Variants in ADAM23 observed in about 807,000 individuals in gnomAD.
The protein encoded by ADAM23 is ADAM metallopeptidase domain 23, also known as disintegrin and metalloproteinase domain-containing protein 23.
ADAM23 carries 33 observed loss-of-function variants against 120.1 expected under a neutral mutation model. The ratio of observed to expected loss-of-function variants is 0.27; its 90% CI spans 0.21 to 0.37. The LOEUF (loss-of-function observed/expected upper bound fraction) is 0.37, where lower values mean the gene tolerates loss of function less well. Ranked by LOEUF, ADAM23 falls within the 10% of genes least tolerant of loss-of-function variation. The probability of loss-of-function intolerance (pLI) is 1.00; values close to 1 mark genes in which losing one functional copy is unlikely to be tolerated. For synonymous variants in ADAM23, 367 were observed against 375.2 expected, an observed-to-expected ratio of 0.98 and a Z score of 0.25; for missense variants, 862 against 1,058.2, an observed-to-expected ratio of 0.81 and a Z score of 2.57.
chr2:206,606,474 T>C (rs1278895896), intron 24 of ADAM23: 2 of 152,238 alleles, frequency 1.3e-5, no homozygotes, highest in Non-Finnish European at 2.9e-5. Flanking sequence ...GAAGTCTACA[T>C]AAATATTTGG....
intron 2 of ADAM23, among the ~76,000 whole-genome samples, chr2:206,451,154 G>C (rs929812042): frequency 6.6e-6 from 1 of 152,194 alleles, no homozygotes. Flanking sequence ...CCACAGAATC[G>C]GCAGAGGAGA....
chr2:206,600,150 T>A (rs745918320), intron 24 of ADAM23, among the ~76,000 whole-genome samples: 4 of 152,060 alleles, frequency 2.6e-5, no homozygotes, highest in Non-Finnish European at 4.4e-5. Context: ...TGCAGTGAGC[T>A]GAGATCGCGA....
chr2:206,524,240 C>G lies in ADAM23; in HGVS notation c.510-6645C>G, dbSNP rs564786470. Among the ~76,000 whole-genome samples, 88 of 152,310 alleles carry G rather than the reference C, an allele frequency of 5.8e-4. 1 individual carries two copies. Among genetic ancestry groups the G allele is most frequent in the African/African-American group, 1.9e-3 (80 of 41,562 alleles). On this transcript the variant is annotated intron_variant, in intron 3 of 25. Coordinates refer to ENST00000264377, the MANE Select transcript of ADAM23 (RefSeq NM_003812.4). ...TTTGAACACATATGGAAGTAACTTA[C>G]ATGTTTTACTACTGAGAATTGAATT...
chr2:206,462,186 A>G (rs1695435120), intron 2 of ADAM23, among the ~76,000 whole-genome samples: 1 of 152,190 alleles, frequency 6.6e-6, no homozygotes, highest in Non-Finnish European at 1.5e-5. Flanking sequence ...ACCAATTTGC[A>G]TACACATGCA....
chr2:206,591,795 A>T (rs985673635), intron 21 of ADAM23, among the ~76,000 whole-genome samples: 1 of 152,202 alleles, frequency 6.6e-6, no homozygotes, highest in Non-Finnish European at 1.5e-5. Flanking sequence ...TTATTGTACC[A>T]TATTTCACCA....
At chr2:206,498,235 A>G (rs1696301672) in intron 3 of ADAM23, among the ~76,000 whole-genome samples, 4 of 152,350 alleles carry the variant, frequency 2.6e-5, no homozygotes, top group East Asian at 1.9e-4. Flanking sequence ...GCATCGAGCT[A>G]CTTGACTTCA....
In ADAM23 at chr2:206,596,051, G is replaced by A; in HGVS notation, c.2248G>A (p.Val750Met). The change falls in exon 24 of 26, where the codon GTG (valine) becomes ATG (methionine). Residue 750 changes from valine (V) to methionine (M), a missense_variant and splice_region_variant. Physicochemically the swap from Val to Met is conservative, Grantham distance 21 (BLOSUM62 1). Around this residue, in one of 4 missense-constraint regions of ADAM23, gnomAD observed 617 missense variants for 813.5 expected, o/e 0.76. Transcript: ENST00000264377. ...CATATCTGTTCCTTTTTCTTCACAG[G>A]TGTGTAGTAATGAAGCCACCTGCAT... The part of the protein sequence containing the change: ...SKGKVCSGHG[V>M]CSNEATCICD... The A allele has an allele frequency of 9.3e-6, 15 of 1,611,410 alleles. No individual in the cohort carries two copies. The highest frequency in any genetic ancestry group is 1.3e-5 in the African/African-American group (1 of 74,940).
At chr2:206,617,524 T>A in intron 25 of ADAM23, 55 bp from the exon 26 acceptor site, 1 of 1,548,446 alleles carries the variant, frequency 6.5e-7, no homozygotes, top group Non-Finnish European at 8.8e-7. Flanking sequence ...ATCATCTGAT[T>A]AATATTGTGG....
At chr2:206,470,461 C>G (rs1465906846) in intron 2 of ADAM23, among the ~76,000 whole-genome samples, 1 of 152,116 alleles carries the variant, frequency 6.6e-6, no homozygotes, top group Admixed American at 6.5e-5. Flanking sequence ...AGTGGTTGAT[C>G]GTTTCCAGAG....
rs190643193 is a variant in ADAM23, at chr2:206,453,765, A to G, written c.432+8241A>G. 2.3e-3 allele frequency among the ~76,000 whole-genome samples: 353 copies of G among 152,388 alleles called. 2 individuals carry two copies. The South Asian group carries it at 0.024, about 10-fold the overall frequency. On this transcript the variant is annotated intron_variant, in intron 2 of 25. Transcript: ENST00000264377. The stretch of plus-strand genomic sequence containing the variant: ...AAGTGACATGAGAGGTTCATTCTCC[A>G]TCACAGGGCACCCCAGCCTGGGACA...
chr2:206,457,529 A>G (rs1040617253), intron 2 of ADAM23, among the ~76,000 whole-genome samples: 1 of 152,178 alleles, frequency 6.6e-6, no homozygotes, highest in Non-Finnish European at 1.5e-5. Context: ...GCATGTGTAC[A>G]CACCTCACTT....
intron 6 of ADAM23, 49 bp from the exon 7 acceptor site, chr2:206,547,380 G>A: frequency 6.7e-7 from 1 of 1,488,320 alleles, no homozygotes; most frequent in Non-Finnish European, 9.3e-7. Context: ...TTTCATAGAG[G>A]CTTGTTCACA....
Position 206,596,118 on chromosome 2 carries a change from A to G in ADAM23, c.2315A>G (p.Asp772Gly). The change falls in exon 24 of 26, where the codon GAT (aspartate) becomes GGT (glycine). Residue 772 changes from aspartate (D) to glycine (G), a missense_variant. Physicochemically the swap from Asp to Gly is moderately conservative, Grantham distance 94. Transcript: ENST00000264377. ...GCAGGGACAGATTGCAGTATCCGGG[A>G]TCCAGTTAGGAACCTTCACCCCCCC... ...TWAGTDCSIR[D>G]PVRNLHPPKD... 6.2e-7 allele frequency: 1 copy of G among 1,614,096 alleles called. No individual in the cohort carries two copies. Among genetic ancestry groups the G allele is most frequent in the Non-Finnish European group, 8.5e-7 (1 of 1,180,002 alleles).
At chr2:206,597,565 C>T (rs1487169973) in intron 24 of ADAM23, among the ~76,000 whole-genome samples, 1 of 152,154 alleles carries the variant, frequency 6.6e-6, no homozygotes, top group Non-Finnish European at 1.5e-5. Flanking sequence ...TTTCAAAGAT[C>T]TAGAAAACCC....
intron 3 of ADAM23, among the ~76,000 whole-genome samples, chr2:206,512,876 C>T (rs576885574): frequency 2.6e-5 from 4 of 152,276 alleles, no homozygotes; most frequent in South Asian, 2.1e-4. Flanking sequence ...TGGTAATTCT[C>T]GCAGTATTTC....
At chr2:206,459,925 ACTATCTCTCAC>A (rs1189205052) in intron 2 of ADAM23, among the ~76,000 whole-genome samples, 1 of 152,182 alleles carries the variant, frequency 6.6e-6, no homozygotes, top group African/African-American at 2.4e-5. Flanking sequence ...GGTCTAACCC[ACTATCTCTCAC>A]ATGCACCATT....
At chr2:206,465,263 C>T (rs1574481640) in intron 2 of ADAM23, among the ~76,000 whole-genome samples, 1 of 152,316 alleles carries the variant, frequency 6.6e-6, no homozygotes, top group Admixed American at 6.5e-5. Flanking sequence ...TGGCCTCAAA[C>T]TCCTTGCCTT....
Position 206,559,982 on chromosome 2 carries a change from G to A in ADAM23, c.1033G>A (p.Val345Ile), listed in dbSNP as rs375279547. 1.9e-6 allele frequency: 3 copies of A among 1,613,844 alleles called. No homozygotes were observed. The highest frequency in any genetic ancestry group is 2.7e-5 in the African/African-American group (2 of 74,892). The stretch of plus-strand genomic sequence containing the variant: ...TTACAAGGAGCAGCTCAACACCAGG[G>A]TTGTCCTGGTGGCTGTAGAGACCTG... ...SIYKEQLNTR[V>I]VLVAVETWTE... The change falls in exon 11 of 26, where the codon GTT becomes ATT. Residue 345 changes from valine to isoleucine, a missense_variant. Val to Ile is a conservative substitution (Grantham distance 29). This residue lies in a region of ADAM23 where 617 missense variants were observed against 813.5 expected (regional missense o/e 0.76). Coordinates refer to ENST00000264377, the MANE Select transcript of ADAM23 (RefSeq NM_003812.4).
In ADAM23 at chr2:206,484,031, G is replaced by A. The variant is rs763945550; in HGVS notation, c.509+2723G>A. Among the ~76,000 whole-genome samples, 21 of 152,276 alleles carry A rather than the reference G, an allele frequency of 1.4e-4. No homozygotes were observed. In the Middle Eastern group the frequency reaches 0.01, roughly 74 times the overall value. On this transcript the variant is annotated intron_variant, in intron 3 of 25. Transcript: ENST00000264377. Reference sequence around the variant, plus strand: ...AGAGACGGAGCTGATAAGAGTGGGAGGTTGAAGATGCAGAAAGGAGAGAGG... The same window carrying A: ...AGAGACGGAGCTGATAAGAGTGGGAAGTTGAAGATGCAGAAAGGAGAGAGG...
Sources: allele counts gnomAD v4.1 joint callset (sites outside exome capture counted in the v4.1 genomes callset), GRCh38; gene constraint gnomAD v4.1.1; regional missense constraint gnomAD v4.1.1; transcripts MANE v1.5; gene names NCBI Gene and HGNC (gene_info 2026-07-23, HGNC 2026-07-21).